The following PDE1A variants were observed in gnomAD, a reference collection of about 807,000 sequenced individuals.
PDE1A encodes the protein dual specificity calcium/calmodulin-dependent 3',5'-cyclic nucleotide phosphodiesterase 1A.
PDE1A carries 35 observed loss-of-function variants against 61.7 expected under a neutral mutation model. That is an observed-to-expected ratio of 0.57 (90% CI 0.43 to 0.75). PDE1A has a LOEUF of 0.75. PDE1A is among the 30% of genes least tolerant of loss of function. PDE1A has a pLI of 0.00. For synonymous variants in PDE1A, 232 were observed against 213.2 expected, an observed-to-expected ratio of 1.09 and a Z score of -0.77; for missense variants, 597 against 630.6, an observed-to-expected ratio of 0.95 and a Z score of 0.57.
chr2:182,458,549 A>C (rs1258634837), intron 2 of PDE1A, among the ~76,000 whole-genome samples: 1 of 152,062 alleles, frequency 6.6e-6, no homozygotes, highest in Admixed American at 6.6e-5. Context: ...GGTGTTAATT[A>C]AATCTTCCCA....
chr2:182,567,346 G>A, the PDE1A span, among the ~76,000 whole-genome samples: 1 of 152,160 alleles, frequency 6.6e-6, no homozygotes, highest in East Asian at 1.9e-4. Context: ...TCTTCAGAAA[G>A]GGAAGAAGAT....
chr2:182,259,196 G>C (rs1692050854), intron 2 of PDE1A, among the ~76,000 whole-genome samples: 1 of 152,084 alleles, frequency 6.6e-6, no homozygotes, highest in South Asian at 2.1e-4. Flanking sequence ...CCAAATTAAG[G>C]ATCCCTAGAT....
chr2:182,431,631 T>C (rs148959769), upstream of PDE1A, among the ~76,000 whole-genome samples: 1,947 of 152,256 alleles, frequency 0.013, 28 homozygotes, highest in South Asian at 0.048. Context: ...TTGTTCATTC[T>C]TTATAACACA....
At chr2:182,589,269 GAGGAAGGAAGGA>G in the PDE1A span, among the ~76,000 whole-genome samples, 525 of 121,936 alleles carry the variant, frequency 4.3e-3, 5 homozygotes, top group Admixed American at 6.4e-3. Context: ...GGGAGGGAGG[GAGGAAGGAAGGA>G]AGGAAGGAAG....
At chr2:182,397,691 G>A (rs986419690) in intron 1 of PDE1A, among the ~76,000 whole-genome samples, 3 of 152,046 alleles carry the variant, frequency 2.0e-5, no homozygotes, top group Non-Finnish European at 4.4e-5. Flanking sequence ...GTCACATAAT[G>A]TTTAGTACTG....
the PDE1A span, among the ~76,000 whole-genome samples, chr2:182,668,204 T>C: frequency 1.3e-5 from 2 of 152,138 alleles, no homozygotes; most frequent in African/African-American, 2.4e-5. Flanking sequence ...AGCTGACTTA[T>C]GATTCCCAAG....
At chr2:182,231,251 A>G in intron 4 of PDE1A, 120 bp from the exon 5 acceptor site, 1 of 663,596 alleles carries the variant, frequency 1.5e-6, no homozygotes, top group Non-Finnish European at 2.7e-6. Context: ...ATGTCAAACT[A>G]CACTTTGACC....
chr2:182,586,691 A>C, the PDE1A span, among the ~76,000 whole-genome samples: 1 of 152,182 alleles, frequency 6.6e-6, no homozygotes, highest in Non-Finnish European at 1.5e-5. Context: ...AAATCTTGTC[A>C]ATCAAAAACG....
chr2:182,502,723 G>A (rs1689155770), intron 2 of PDE1A, among the ~76,000 whole-genome samples: 1 of 152,070 alleles, frequency 6.6e-6, no homozygotes, highest in Non-Finnish European at 1.5e-5. Flanking sequence ...CTAAAAATCA[G>A]ACTTTTTTCA....
intron 1 of PDE1A, among the ~76,000 whole-genome samples, chr2:182,295,267 G>T (rs894608722): frequency 6.6e-6 from 1 of 151,242 alleles, no homozygotes; most frequent in Non-Finnish European, 1.5e-5. Flanking sequence ...GTAGAGACGG[G>T]GTTTCACCTT....
chr2:182,425,069 T>C (rs537048861), intron 1 of PDE1A, among the ~76,000 whole-genome samples: 9 of 152,300 alleles, frequency 5.9e-5, no homozygotes, highest in African/African-American at 2.2e-4. Flanking sequence ...ATATAATTAA[T>C]TAATTAGGAA....
chr2:182,295,311 T>C (rs1345253616), intron 1 of PDE1A, among the ~76,000 whole-genome samples: 1 of 151,950 alleles, frequency 6.6e-6, no homozygotes, highest in African/African-American at 2.4e-5. Flanking sequence ...CCTGACCTCA[T>C]GATCCACCCG....
intron 2 of PDE1A, among the ~76,000 whole-genome samples, chr2:182,439,356 G>A (rs1040437151): frequency 2.0e-5 from 3 of 151,930 alleles, no homozygotes; most frequent in African/African-American, 4.8e-5. Flanking sequence ...AATTATGAAC[G>A]TGGATGGTCT....
intron 2 of PDE1A, among the ~76,000 whole-genome samples, chr2:182,263,480 C>T (rs1334932233): frequency 6.6e-6 from 1 of 152,112 alleles, no homozygotes. Context: ...CTTTAAGAGA[C>T]CTCTATTCTA....
At chr2:182,567,056 A>G in the PDE1A span, among the ~76,000 whole-genome samples, 1 of 152,210 alleles carries the variant, frequency 6.6e-6, no homozygotes, top group Admixed American at 6.5e-5. Flanking sequence ...TACTTTATTT[A>G]TTAGTAATTA....
intron 1 of PDE1A, among the ~76,000 whole-genome samples, chr2:182,386,928 G>A (rs2125358617): frequency 6.6e-6 from 1 of 152,380 alleles, no homozygotes; most frequent in South Asian, 2.1e-4. Context: ...GCACCCAACA[G>A]CTCACTGAGA....
intron 2 of PDE1A, among the ~76,000 whole-genome samples, chr2:182,467,816 G>A (rs1686769986): frequency 6.6e-6 from 1 of 151,846 alleles, no homozygotes; most frequent in Non-Finnish European, 1.5e-5. Flanking sequence ...GCATACCTCA[G>A]AAACATTGCA....
upstream of PDE1A, among the ~76,000 whole-genome samples, chr2:182,526,177 CTT>C (rs1210310443): frequency 6.6e-6 from 1 of 152,050 alleles, no homozygotes; most frequent in Non-Finnish European, 1.5e-5. Context: ...TAGAAAATAT[CTT>C]AATTTCTGAA....
the PDE1A span, among the ~76,000 whole-genome samples, chr2:182,706,145 C>T: frequency 6.6e-6 from 1 of 152,160 alleles, no homozygotes. Flanking sequence ...GTACCTAGAT[C>T]TAGACACAGG....
Sources: gnomAD v4.1 joint callset for allele counts (sites outside exome capture counted in the v4.1 genomes callset) on GRCh38, gnomAD v4.1.1 for gene constraint, MANE v1.5 for transcripts, NCBI Gene and HGNC (gene_info 2026-07-23, HGNC 2026-07-21) for gene names.